Variants in AOC3 observed in about 807,000 individuals in gnomAD.
The protein encoded by AOC3 is amine oxidase copper containing 3.
In AOC3, 47 loss-of-function variants were observed where a neutral mutation model predicts 55.4. That is an observed-to-expected ratio of 0.85 (90% confidence interval 0.67 to 1.08). AOC3 has a LOEUF of 1.08. Ranked by LOEUF, AOC3 falls within the 50% of genes least tolerant of loss-of-function variation. AOC3 has a pLI of 0.00. For missense variants in AOC3, 853 were observed against 993.1 expected, an observed-to-expected ratio of 0.86 and a Z score of 1.90; for synonymous variants, 386 against 410.7, an observed-to-expected ratio of 0.94 and a Z score of 0.73.
At chr17:42,853,383 T>C in intron 1 of AOC3, 1 of 999,678 alleles carries the variant, frequency 1.0e-6, no homozygotes, top group Non-Finnish European at 1.2e-6. Context: ...TTCCAGGTTG[T>C]ACATTTCCTT....
At position 42,851,699 on chromosome 17, in the gene AOC3, C is replaced by T. The variant is rs1345621007; in HGVS notation, c.356C>T (p.Pro119Leu). 1 of 1,612,426 alleles carries T rather than the reference C, an allele frequency of 6.2e-7. No individual in the cohort carries two copies. Residue 119 changes from proline to leucine, a missense_variant, in exon 1 of 4, where the codon CCA (proline) becomes CTA (leucine). Coordinates refer to ENST00000308423, the MANE Select transcript of AOC3 (RefSeq NM_003734.4). ...ALAHLDRGSP[P>L]PAREALAIVF... ...GCTCACTTGGACAGGGGGAGCCCCC[C>T]ACCTGCCCGGGAGGCACTGGCCATC...
At position 42,852,338 on chromosome 17, in the gene AOC3, C is replaced by T. The variant is rs140439621; in HGVS notation, c.995C>T (p.Ser332Phe). 10 of 1,614,056 alleles carry T rather than the reference C, an allele frequency of 6.2e-6. No homozygotes were observed. Among genetic ancestry groups the T allele is most frequent in the South Asian group, 2.2e-5 (2 of 91,088 alleles). Residue 332 changes from serine to phenylalanine, a missense_variant, in exon 1 of 4, where the codon TCC becomes TTC. Physicochemically the swap from Ser to Phe is radical, Grantham distance 155. Coordinates refer to ENST00000308423, the MANE Select transcript of AOC3 (RefSeq NM_003734.4). Reference protein sequence around the residue: ...RFSVQGSRVASSLWTFSFGLG... With the variant: ...RFSVQGSRVAFSLWTFSFGLG... ...AGTGTCCAGGGAAGTCGAGTGGCCTCCTCACTGTGGACTTTCTCCTTTGGC... is the reference window on the plus strand; with the variant it reads ...AGTGTCCAGGGAAGTCGAGTGGCCTTCTCACTGTGGACTTTCTCCTTTGGC...
At position 42,851,347 on chromosome 17, in the gene AOC3, A is replaced by G. The variant is rs2055660578; in HGVS notation, c.4A>G (p.Asn2Asp). 4.4e-6 allele frequency: 7 copies of G among 1,592,590 alleles called. No homozygotes were observed. The East Asian group carries it at 1.6e-4, about 36-fold the overall frequency. ...AGCTGTCCCTCTTCGTGGGAAAATG[A>G]ACCAGAAGACAATCCTCGTGCTCCT... M[N>D]QKTILVLLIL... is the part of the protein sequence containing the mutation. The change falls in exon 1 of 4, where the codon AAC (asparagine) becomes GAC (aspartate). Residue 2 changes from asparagine (N) to aspartate (D), a missense_variant. Physicochemically the swap from Asn to Asp is conservative, Grantham distance 23. Transcript: ENST00000308423.
At chr17:42,853,455 AG>A in intron 1 of AOC3, 3 of 958,110 alleles carry the variant, frequency 3.1e-6, no homozygotes, top group Non-Finnish European at 3.7e-6. Context: ...CCTAAGTGTG[AG>A]GGGTCACATG....
Position 42,852,620 on chromosome 17 carries a change from G to A in AOC3, c.1277G>A (p.Arg426His), listed in dbSNP as rs33986943. ...GAGTCCCAGGCCCCCAAGACAATAC[G>A]TGATGCCTTTTGTGTGTTTGAACAG... is the stretch of plus-strand genomic sequence containing the variant. ...LLESQAPKTI[R>H]DAFCVFEQNQ... Residue 426 changes from arginine to histidine, a missense_variant, in exon 1 of 4, where the codon CGT (arginine) becomes CAT (histidine). Coordinates refer to ENST00000308423, the MANE Select transcript of AOC3 (RefSeq NM_003734.4). 0.092 allele frequency: 148,404 copies of A among 1,614,108 alleles called. 7,652 individuals carry two copies. Among genetic ancestry groups the A allele is most frequent in the Non-Finnish European group, 0.11 (123,922 of 1,180,014 alleles).
chr17:42,854,141 G>A (rs768777427), intron 1 of AOC3: 3 of 230,648 alleles, frequency 1.3e-5, no homozygotes, highest in Non-Finnish European at 2.5e-5. Context: ...GTCTGTCTGC[G>A]TGGAAAGCAA....
rs1597967174 is a variant in AOC3, at chr17:42,852,241, T to C, written c.898T>C (p.Trp300Arg). ...LIPDNGTGGS[W>R]SLKSPVPPGP... The stretch of plus-strand genomic sequence containing the variant: ...CCCAGACAATGGCACAGGTGGGTCC[T>C]GGTCCCTGAAGTCCCCTGTGCCCCC... Residue 300 changes from tryptophan (W) to arginine (R), a missense_variant, in exon 1 of 4, where the codon TGG becomes CGG. Physicochemically the swap from Trp to Arg is moderately radical, Grantham distance 101. Coordinates refer to ENST00000308423, the MANE Select transcript of AOC3 (RefSeq NM_003734.4). The C allele has an allele frequency of 1.2e-6, 2 of 1,613,722 alleles. No individual in the cohort carries two copies. Among genetic ancestry groups the C allele is most frequent in the Non-Finnish European group, 1.7e-6 (2 of 1,179,904 alleles).
rs2228470 is a variant in AOC3 at position 42,851,842 on chromosome 17, C to T, written c.499C>T (p.His167Tyr). 14,092 of 1,613,586 alleles carry T rather than the reference C, an allele frequency of 8.7e-3. 970 individuals are homozygous for T. The African/African-American group carries it at 0.16, about 18-fold the overall frequency. Reference protein sequence around the residue: ...VERHGGPLPYHRRPVLFQEYL... With the variant: ...VERHGGPLPYYRRPVLFQEYL... ...GCGTCATGGAGGCCCCCTGCCCTAT[C>T]ACCGACGCCCCGTGCTGTTCCAAGA... The change falls in exon 1 of 4, where the codon CAC becomes TAC. Residue 167 changes from histidine (H) to tyrosine (Y), a missense_variant. Coordinates refer to ENST00000308423, the MANE Select transcript of AOC3 (RefSeq NM_003734.4).
rs1214547719 is a variant in AOC3 at position 42,851,885 on chromosome 17, A to G, written c.542A>G (p.Gln181Arg). 10 of 1,613,606 alleles carry G rather than the reference A, an allele frequency of 6.2e-6. No individual in the cohort carries two copies. Among genetic ancestry groups the G allele is most frequent in the African/African-American group, 1.3e-5 (1 of 74,944 alleles). Residue 181 changes from glutamine (Q) to arginine (R), a missense_variant, in exon 1 of 4, where the codon CAG becomes CGG. Physicochemically the swap from Gln to Arg is conservative, Grantham distance 43. Transcript: ENST00000308423. ...TTCCAAGAGTACCTGGACATAGACC[A>G]GATGATCTTCAACAGAGAGCTGCCC... Reference protein sequence around the residue: ...VLFQEYLDIDQMIFNRELPQA... With the variant: ...VLFQEYLDIDRMIFNRELPQA...
chr17:42,853,117 G>A (rs994070031), intron 1 of AOC3, 174 bp downstream of exon 1: 13 of 1,353,794 alleles, frequency 9.6e-6, no homozygotes, highest in Middle Eastern at 2.7e-4. Context: ...TTAGCTCACT[G>A]GCTGGGTGCA....
chr17:42,855,103 C>T (rs2055731461), intron 2 of AOC3, among the ~76,000 whole-genome samples: 1 of 152,098 alleles, frequency 6.6e-6, no homozygotes, highest in Admixed American at 6.5e-5. Flanking sequence ...CCTTGGTCTC[C>T]CAAAGTGCTG....
intron 1 of AOC3, chr17:42,854,199 C>T (rs1168849298): frequency 5.6e-6 from 2 of 357,116 alleles, no homozygotes; most frequent in Non-Finnish European, 5.0e-6. Flanking sequence ...CGAGTACAGT[C>T]CTCTCTGCTA....
chr17:42,855,314 T>C, intron 2 of AOC3, 130 bp from the exon 3 acceptor site: 1 of 1,282,732 alleles, frequency 7.8e-7, no homozygotes, highest in Non-Finnish European at 1.1e-6. Context: ...CGTCGGGGAT[T>C]CTGTAGCGCC....
chr17:42,852,549 G>A lies in AOC3; in HGVS notation c.1206G>A (p.Val402=). ...GKYTTPLTRG[V]DCPYLATYVD... ...ACACCACGCCCCTGACCCGTGGGGT[G>A]GACTGCCCCTACTTGGCCACCTACG... Residue 402 remains valine (V), a synonymous_variant, in exon 1 of 4, where the codon GTG becomes GTA. Transcript: ENST00000308423. The A allele has an allele frequency of 2.5e-6, 4 of 1,614,208 alleles. No individual in the cohort carries two copies. Among genetic ancestry groups the A allele is most frequent in the Non-Finnish European group, 3.4e-6 (4 of 1,180,034 alleles).
Position 42,851,553 on chromosome 17 carries a change from T to C in AOC3, c.210T>C (p.Ala70=). 1.9e-6 allele frequency: 3 copies of C among 1,613,908 alleles called. No homozygotes were observed. The highest frequency in any genetic ancestry group is 2.5e-6 in the Non-Finnish European group (3 of 1,180,008). Residue 70 remains alanine (A), a synonymous_variant, in exon 1 of 4, where the codon GCT becomes GCC. Transcript: ENST00000308423. Reference sequence around the variant, plus strand: ...ACCTGAGCCGAGAGGAGCTGACGGCTGTGATGCGCTTTCTGACCCAGCGGC... The same window carrying C: ...ACCTGAGCCGAGAGGAGCTGACGGCCGTGATGCGCTTTCTGACCCAGCGGC... ...FADLSREELT[A]VMRFLTQRLG... is the part of the protein sequence containing the mutation.
rs2055746293 is a variant in AOC3 at position 42,856,258 on chromosome 17, T to C, written c.2017-17T>C. The C allele has an allele frequency of 6.2e-7, 1 of 1,611,930 alleles. No homozygotes were observed. The stretch of plus-strand genomic sequence containing the variant: ...GCAAAGCCAGACCTCGTGATCCTCT[T>C]TCTTCTCCCCTGCTAGGATTTGGTG... On this transcript the variant is annotated splice_polypyrimidine_tract_variant and intron_variant, in intron 3 of 3. Coordinates refer to ENST00000308423, the MANE Select transcript of AOC3 (RefSeq NM_003734.4).
At chr17:42,853,200 A>T in intron 1 of AOC3, 1 of 1,340,566 alleles carries the variant, frequency 7.5e-7, no homozygotes, top group Non-Finnish European at 9.6e-7. Context: ...AGGAGGCAGG[A>T]TTTGGGCTAA....
chr17:42,856,498 C>G lies in AOC3; in HGVS notation c.2240C>G (p.Ala747Gly). ...NPLACLPQAA[A>G]CAPDLPAFSH... ...CTAGCTTGCCTGCCCCAGGCTGCTG[C>G]CTGTGCCCCCGACCTCCCTGCCTTC... The change falls in exon 4 of 4, where the codon GCC becomes GGC. Residue 747 changes from alanine to glycine, a missense_variant. Ala to Gly is a moderately conservative substitution (Grantham distance 60, BLOSUM62 0). Transcript: ENST00000308423. The G allele has an allele frequency of 6.2e-7, 1 of 1,610,000 alleles. No individual in the cohort carries two copies. The highest frequency in any genetic ancestry group is 8.5e-7 in the Non-Finnish European group (1 of 1,177,214).
In AOC3 at chr17:42,851,931, C is replaced by G; in HGVS notation, c.588C>G (p.His196Gln). Residue 196 changes from histidine to glutamine, a missense_variant, in exon 1 of 4, where the codon CAC becomes CAG. Transcript: ENST00000308423. Reference protein sequence around the residue: ...RELPQASGLLHHCCFYKHRGR... With the variant: ...RELPQASGLLQHCCFYKHRGR... ...TGCCCCAGGCTTCTGGGCTTCTCCA[C>G]CACTGTTGCTTCTACAAGCACCGGG... 1 of 1,613,668 alleles carries G rather than the reference C, an allele frequency of 6.2e-7. No homozygotes were observed. Among genetic ancestry groups the G allele is most frequent in the African/African-American group, 1.3e-5 (1 of 75,058 alleles).
Sources: allele counts gnomAD v4.1 joint callset (sites outside exome capture counted in the v4.1 genomes callset), GRCh38; gene constraint gnomAD v4.1.1; transcripts MANE v1.5; gene names NCBI Gene and HGNC (gene_info 2026-07-23, HGNC 2026-07-21).